Variants in LRPPRC observed in about 807,000 individuals in gnomAD.
LRPPRC encodes leucine rich pentatricopeptide repeat containing, also known as leucine-rich PPR motif-containing protein, mitochondrial.
LRPPRC carries 120 observed loss-of-function variants against 180.3 expected under a neutral mutation model. That is an observed-to-expected ratio of 0.67 (90% CI 0.57 to 0.77). The LOEUF (loss-of-function observed/expected upper bound fraction) is 0.77, where lower values mean the gene tolerates loss of function less well. Among genes scored for constraint, LRPPRC ranks in the 30% least tolerant of loss-of-function variants. LRPPRC has a pLI of 0.00. For synonymous variants in LRPPRC, 723 were observed against 600.0 expected (o/e 1.21, Z -3.00); for missense variants, 2,012 against 1,657.2 (o/e 1.21, Z -3.72).
intron 27 of LRPPRC, among the ~76,000 whole-genome samples, chr2:43,924,581 G>A (rs921312137): frequency 5.9e-5 from 9 of 152,092 alleles, no homozygotes; most frequent in African/African-American, 2.2e-4. Context: ...ATAGAAAAAT[G>A]TTTGTAATAT....
chr2:43,949,390 G>C (rs1348416427), intron 16 of LRPPRC, among the ~76,000 whole-genome samples: 1 of 151,992 alleles, frequency 6.6e-6, no homozygotes, highest in South Asian at 2.1e-4. Flanking sequence ...AAAAGAAAAA[G>C]CCTCCCAACC....
intron 25 of LRPPRC, 126 bp downstream of exon 25, chr2:43,934,064 A>G: frequency 3.0e-6 from 2 of 664,906 alleles, no homozygotes; most frequent in East Asian, 2.8e-5. Context: ...CTCCCCCAAC[A>G]TTACTGGGAT....
chr2:43,955,256 C>T (rs963997591), intron 14 of LRPPRC, among the ~76,000 whole-genome samples: 10 of 152,006 alleles, frequency 6.6e-5, no homozygotes, highest in African/African-American at 2.4e-4. Context: ...TCACCTGAGG[C>T]CAGGAGTTCA....
chr2:43,963,662 G>C lies in LRPPRC; in HGVS notation c.1414C>G (p.Pro472Ala). Residue 472 changes from proline (P) to alanine (A), a missense_variant, in exon 12 of 38, where the codon CCT (proline) becomes GCT (alanine). Pro to Ala is a conservative substitution (Grantham distance 27). Coordinates refer to ENST00000260665, the MANE Select transcript of LRPPRC (RefSeq NM_133259.4). ...TAATCTGTATATGTTTCCTGATCAG[G>C]ATGTACTCCCAATTCTTGCATTCCT... ...LKGMQELGVH[P>A]DQETYTDYVI... 3 of 1,610,842 alleles carry C rather than the reference G, an allele frequency of 1.9e-6. No individual in the cohort carries two copies. Among genetic ancestry groups the C allele is most frequent in the Non-Finnish European group, 2.5e-6 (3 of 1,177,254 alleles).
Position 43,925,908 on chromosome 2 carries a change from A to C in LRPPRC, c.2790T>G (p.Cys930Trp). Residue 930 changes from cysteine to tryptophan, a missense_variant, in exon 26 of 38, where the codon TGT (cysteine) becomes TGG (tryptophan). Physicochemically the swap from Cys to Trp is radical, Grantham distance 215. Transcript: ENST00000260665. ...SARLQWFCDRCVANNQVETLE... is the reference protein window; with the variant it reads ...SARLQWFCDRWVANNQVETLE... Reference sequence around the variant, plus strand: ...AAATACAAACCTGATTATTTGCAACACATCTGTCACAAAACCACTGAAGCC... The same window carrying C: ...AAATACAAACCTGATTATTTGCAACCCATCTGTCACAAAACCACTGAAGCC... The C allele has an allele frequency of 1.2e-6, 2 of 1,612,158 alleles. No individual in the cohort carries two copies. Among genetic ancestry groups the C allele is most frequent in the Non-Finnish European group, 1.7e-6 (2 of 1,178,194 alleles).
intron 30 of LRPPRC, among the ~76,000 whole-genome samples, chr2:43,910,518 A>C (rs1354842091): frequency 2.6e-5 from 4 of 152,218 alleles, no homozygotes; most frequent in Non-Finnish European, 5.9e-5. Flanking sequence ...TACAGGCATG[A>C]GCCAACGTGC....
intron 3 of LRPPRC, among the ~76,000 whole-genome samples, chr2:43,978,248 G>C (rs1012929421): frequency 6.6e-6 from 1 of 152,000 alleles, no homozygotes; most frequent in Non-Finnish European, 1.5e-5. Context: ...TTATAAATCT[G>C]TAAACAAGAG....
chr2:43,896,399 T>A (rs998937367), intron 35 of LRPPRC: 3 of 408,514 alleles, frequency 7.3e-6, no homozygotes, highest in African/African-American at 6.2e-5. Flanking sequence ...GGGCCTTTTC[T>A]TGGGGCTCTC....
chr2:43,899,166 T>C (rs1420189860), intron 34 of LRPPRC, 53 bp downstream of exon 34: 4 of 1,242,784 alleles, frequency 3.2e-6, no homozygotes, highest in Non-Finnish European at 4.7e-6. Context: ...AATTTCTCAA[T>C]TTACTTCTTG....
chr2:43,934,338 A>T, intron 24 of LRPPRC, 42 bp from the exon 25 acceptor site: 1 of 900,524 alleles, frequency 1.1e-6, no homozygotes, highest in Non-Finnish European at 1.8e-6. Context: ...GGAGAAAAAA[A>T]AACCCAGAAA....
chr2:43,907,545 C>G (rs1671104714), intron 30 of LRPPRC, among the ~76,000 whole-genome samples: 2 of 150,730 alleles, frequency 1.3e-5, no homozygotes, highest in Non-Finnish European at 1.5e-5. Flanking sequence ...ATTGGCTGTC[C>G]AATAGGGTTA....
intron 27 of LRPPRC, among the ~76,000 whole-genome samples, chr2:43,924,762 T>C (rs1398702970): frequency 2.0e-5 from 3 of 152,236 alleles, no homozygotes. Context: ...CCTGAAGGTT[T>C]AAATAAAAAG....
chr2:43,901,633 G>A (rs1177998024), intron 31 of LRPPRC, 109 bp from the exon 32 acceptor site: 1 of 714,918 alleles, frequency 1.4e-6, no homozygotes, highest in Non-Finnish European at 2.5e-6. Flanking sequence ...TAAACAAAAA[G>A]CTATGAATAA....
intron 35 of LRPPRC, among the ~76,000 whole-genome samples, chr2:43,895,720 C>A (rs1558895330): frequency 1.3e-5 from 2 of 152,134 alleles, no homozygotes; most frequent in South Asian, 2.1e-4. Context: ...ACCTCCCAAA[C>A]TGGACACAGC....
At chr2:43,942,602 A>G (rs1442919300) in intron 23 of LRPPRC, among the ~76,000 whole-genome samples, 2 of 152,130 alleles carry the variant, frequency 1.3e-5, no homozygotes, top group East Asian at 1.9e-4. Flanking sequence ...TTTTTATTAT[A>G]CATTTAAAAT....
chr2:43,995,492 G>C (rs990408298), intron 1 of LRPPRC, among the ~76,000 whole-genome samples: 1 of 152,238 alleles, frequency 6.6e-6, no homozygotes, highest in Non-Finnish European at 1.5e-5. Context: ...TCCCAAAGCA[G>C]TCTTCAAAGC....
chr2:43,929,955 A>G (rs941727984), intron 25 of LRPPRC, among the ~76,000 whole-genome samples: 3 of 138,086 alleles, frequency 2.2e-5, no homozygotes, highest in African/African-American at 7.7e-5. Context: ...AACAAAAACA[A>G]ACAAACAAAC....
At chr2:43,948,299 A>G (rs1672768728) in intron 17 of LRPPRC, 100 bp from the exon 18 acceptor site, 1 of 929,768 alleles carries the variant, frequency 1.1e-6, no homozygotes, top group South Asian at 1.3e-5. Flanking sequence ...TAAGTCTCCA[A>G]CTCTTGCATG....
intron 25 of LRPPRC, among the ~76,000 whole-genome samples, chr2:43,928,096 C>T (rs993613485): frequency 6.6e-6 from 1 of 152,148 alleles, no homozygotes; most frequent in African/African-American, 2.4e-5. Flanking sequence ...ATCTAATGAA[C>T]AGTGAGGATA....
Sources: gnomAD v4.1 joint callset for allele counts (sites outside exome capture counted in the v4.1 genomes callset) on GRCh38, gnomAD v4.1.1 for gene constraint, MANE v1.5 for transcripts, NCBI Gene and HGNC (gene_info 2026-07-23, HGNC 2026-07-21) for gene names.